The following CCDC85C variants were observed in gnomAD, a reference collection of about 807,000 sequenced individuals.
The protein encoded by CCDC85C is coiled-coil domain-containing protein 85C.
In CCDC85C, 18 loss-of-function variants were observed where a neutral mutation model predicts 38.3. The observed-to-expected ratio is 0.47, with a 90% CI of 0.33 to 0.70. The LOEUF (loss-of-function observed/expected upper bound fraction) is 0.70. Ranked by LOEUF, CCDC85C falls within the 30% of genes least tolerant of loss-of-function variation. CCDC85C has a pLI of 0.03. For missense variants in CCDC85C, 566 were observed against 621.2 expected (o/e 0.91, Z 0.94); for synonymous variants, 264 against 293.8 (o/e 0.90, Z 1.04).
At chr14:99,524,165 T>C in intron 2 of CCDC85C, among the ~76,000 whole-genome samples, 1 of 51,272 alleles carries the variant, frequency 2.0e-5, no homozygotes, top group Non-Finnish European at 6.5e-5. Context: ...TACAAAATCT[T>C]CTCCAATGGA....
At chr14:99,543,833 G>A (rs1347883904) in intron 1 of CCDC85C, among the ~76,000 whole-genome samples, 1 of 152,200 alleles carries the variant, frequency 6.6e-6, no homozygotes, top group Admixed American at 6.5e-5. Context: ...AGAGGCCTGA[G>A]AGAGGGCATC....
chr14:99,541,903 C>T (rs867681776), intron 1 of CCDC85C, among the ~76,000 whole-genome samples: 1 of 152,218 alleles, frequency 6.6e-6, no homozygotes, highest in Non-Finnish European at 1.5e-5. Flanking sequence ...GAGCCTGACT[C>T]TCCAGTTGCT....
At chr14:99,571,723 T>C (rs1256785222) in intron 1 of CCDC85C, among the ~76,000 whole-genome samples, 1 of 152,238 alleles carries the variant, frequency 6.6e-6, no homozygotes, top group African/African-American at 2.4e-5. Flanking sequence ...TGGAATCACA[T>C]GCACAGGGTA....
rs1896814427 is a variant in CCDC85C at position 99,501,139 on chromosome 14, G to A, written c.*14107C>T. 2 of 602,130 alleles carry A rather than the reference G, an allele frequency of 3.3e-6. No individual in the cohort carries two copies. Among genetic ancestry groups the A allele is most frequent in the South Asian group, 2.1e-5 (1 of 48,266 alleles). The allele number at this position is 602,130 out of a possible 1,614,324, so 37.3% of individuals were successfully genotyped here. On this transcript the variant is annotated 3_prime_UTR_variant, in exon 6 of 6. Coordinates refer to ENST00000380243, the MANE Select transcript of CCDC85C (RefSeq NM_001144995.2). The stretch of plus-strand genomic sequence containing the variant: ...TAAATGGACTAATAAACTTAGCCTT[G>A]GAGCCAGGTTTTCCATACATGGTGG...
chr14:99,548,690 A>G lies in CCDC85C; in HGVS notation c.794-12602T>C, dbSNP rs1486472762. 6.6e-6 allele frequency among the ~76,000 whole-genome samples: 1 copy of G among 152,180 alleles called. No individual in the cohort carries two copies. Among genetic ancestry groups the G allele is most frequent in the Non-Finnish European group, 1.5e-5 (1 of 68,034 alleles). On this transcript the variant is annotated intron_variant, in intron 1 of 5. Coordinates refer to ENST00000380243, the MANE Select transcript of CCDC85C (RefSeq NM_001144995.2). This position sits in a 1 kb window ranked among gnomAD's most constrained non-coding sequence, Gnocchi z 4.9. ...ACAAACAAGAGCCAGGCAGAGGGGC[A>G]CACTCCTATAGTCCCAGGTACTCGG...
At chr14:99,559,533 T>C (rs1379417006) in intron 1 of CCDC85C, among the ~76,000 whole-genome samples, 2 of 152,132 alleles carry the variant, frequency 1.3e-5, no homozygotes, top group African/African-American at 2.4e-5. Flanking sequence ...CTGCCTCATT[T>C]CCCAAAGTGA....
Position 99,603,225 on chromosome 14 carries a change from C to A in CCDC85C, c.735G>T (p.Arg245=). 1 of 1,423,110 alleles carries A rather than the reference C, an allele frequency of 7.0e-7. No individual in the cohort carries two copies. Among genetic ancestry groups the A allele is most frequent in the Non-Finnish European group, 9.2e-7 (1 of 1,091,692 alleles). 88.2% of individuals were successfully genotyped at this position (1,423,110 alleles called of 1,614,324 possible). A position where few individuals can be genotyped will look rare whatever the true frequency, so the allele number is the denominator to read the frequency against. Residue 245 remains arginine, a synonymous_variant, in exon 1 of 6, where the codon CGG becomes CGT. Transcript: ENST00000380243. The surrounding 1 kb of genome is among the most constrained non-coding windows in gnomAD (Gnocchi z 7.5). Reference sequence around the variant, plus strand: ...GCGGCGCCGACAAGTCGTCCAGGGACCGACGTGTGGCTCCTGCCTTGCCGT... The same window carrying A: ...GCGGCGCCGACAAGTCGTCCAGGGAACGACGTGTGGCTCCTGCCTTGCCGT... ...APDGKAGATR[R]SLDDLSAPPH...
chr14:99,553,224 C>T (rs112790773), intron 1 of CCDC85C, among the ~76,000 whole-genome samples: 46 of 152,224 alleles, frequency 3.0e-4, no homozygotes, highest in African/African-American at 1.1e-3. Flanking sequence ...GATTCCAGAA[C>T]ACCCAGGCCA....
rs1284391847 is a variant in CCDC85C, at chr14:99,588,348, C to A, written c.793+14819G>T. Reference sequence around the variant, plus strand: ...CAGGCCGGCCAGTCCTGTGCACAAACCACCTTCTCCTCACCCCAGGCCCCG... The same window carrying A: ...CAGGCCGGCCAGTCCTGTGCACAAAACACCTTCTCCTCACCCCAGGCCCCG... On this transcript the variant is annotated intron_variant, in intron 1 of 5. Transcript: ENST00000380243. The surrounding 1 kb of genome is among the most constrained non-coding windows in gnomAD (Gnocchi z 5.0). Among the ~76,000 whole-genome samples, 1 of 152,050 alleles carries A rather than the reference C, an allele frequency of 6.6e-6. No homozygotes were observed. Among genetic ancestry groups the A allele is most frequent in the Non-Finnish European group, 1.5e-5 (1 of 68,024 alleles).
Position 99,501,571 on chromosome 14 carries a change from A to G in CCDC85C, c.*13675T>C. 1.7e-6 allele frequency: 1 copy of G among 596,872 alleles called. No homozygotes were observed. 37.0% of individuals were successfully genotyped at this position (596,872 alleles called of 1,614,324 possible). On this transcript the variant is annotated 3_prime_UTR_variant, in exon 6 of 6. Transcript: ENST00000380243. ...CAAAGCTGGGGCTGACGTCCAGGTC[A>G]TCTGCTTCCCGGCAGAGGGTTTCCT... is the stretch of plus-strand genomic sequence containing the variant.
In CCDC85C at chr14:99,511,010, A is replaced by G. The variant is rs3918127; in HGVS notation, c.*4236T>C. Reference sequence around the variant, plus strand: ...CAGTGCCCTTGCAGTCTGACTGTGTACACTTGGTTCAGCTAATGTCTGAGA... The same window carrying G: ...CAGTGCCCTTGCAGTCTGACTGTGTGCACTTGGTTCAGCTAATGTCTGAGA... On this transcript the variant is annotated 3_prime_UTR_variant, in exon 6 of 6. Transcript: ENST00000380243. The G allele has an allele frequency of 1.9e-3, 723 of 371,922 alleles. 3 individuals carry two copies. Among genetic ancestry groups the G allele is most frequent in the Non-Finnish European group, 3.0e-3 (631 of 209,958 alleles). The allele number at this position is 371,922 out of a possible 1,614,324, so 23.0% of individuals were successfully genotyped here. A position where few individuals can be genotyped will look rare whatever the true frequency, so the allele number is the denominator to read the frequency against.
intron 1 of CCDC85C, among the ~76,000 whole-genome samples, chr14:99,554,704 A>G (rs1242801642): frequency 2.0e-5 from 3 of 152,196 alleles, no homozygotes; most frequent in African/African-American, 7.2e-5. Flanking sequence ...TCAACACCTA[A>G]CTGGGCTCTC....
intron 1 of CCDC85C, among the ~76,000 whole-genome samples, chr14:99,570,720 G>C (rs541546443): frequency 6.6e-6 from 1 of 152,136 alleles, no homozygotes; most frequent in Non-Finnish European, 1.5e-5. Flanking sequence ...TCACCTTCCC[G>C]GCCCCTGAGC....
At chr14:99,546,364 G>A (rs1308557828) in intron 1 of CCDC85C, among the ~76,000 whole-genome samples, 1 of 152,074 alleles carries the variant, frequency 6.6e-6, no homozygotes, top group African/African-American at 2.4e-5. Flanking sequence ...TGCAGCAGGT[G>A]GAGGCGGCTC....
intron 2 of CCDC85C, 134 bp from the exon 3 acceptor site, chr14:99,522,374 A>G: frequency 8.1e-6 from 5 of 614,316 alleles, no homozygotes; most frequent in Non-Finnish European, 1.4e-5. Flanking sequence ...CCTCCCCTCC[A>G]CACCGCTTAT....
intron 1 of CCDC85C, among the ~76,000 whole-genome samples, chr14:99,546,438 G>C (rs1054675211): frequency 2.0e-5 from 3 of 152,074 alleles, no homozygotes; most frequent in African/African-American, 7.2e-5. Flanking sequence ...GCGGCTCAGG[G>C]AAGGCACTTG....
At position 99,572,657 on chromosome 14, in the gene CCDC85C, C is replaced by T; in HGVS notation, c.793+30510G>A. ...TGCTTATCATCCAAGCCCCAGGTGA[C>T]CTGGCCCCTCCTTAAGAGGCCTCCC... is the stretch of plus-strand genomic sequence containing the variant. On this transcript the variant is annotated intron_variant, in intron 1 of 5. Coordinates refer to ENST00000380243, the MANE Select transcript of CCDC85C (RefSeq NM_001144995.2). The surrounding 1 kb of genome is among the most constrained non-coding windows in gnomAD (Gnocchi z 4.4). 2.2e-6 allele frequency: 1 copy of T among 455,918 alleles called. No homozygotes were observed. Among genetic ancestry groups the T allele is most frequent in the Middle Eastern group, 3.3e-4 (1 of 3,054 alleles). The allele number at this position is 455,918 out of a possible 1,614,324, so 28.2% of individuals were successfully genotyped here. A position where few individuals can be genotyped will look rare whatever the true frequency, so the allele number is the denominator to read the frequency against.
intron 2 of CCDC85C, among the ~76,000 whole-genome samples, chr14:99,534,039 C>T (rs1018902416): frequency 8.5e-5 from 13 of 152,110 alleles, no homozygotes; most frequent in Non-Finnish European, 1.5e-4. Context: ...CTGGTTGGAC[C>T]GCAGAACACA....
chr14:99,518,433 G>A (rs1454612903), intron 3 of CCDC85C, among the ~76,000 whole-genome samples: 1 of 152,174 alleles, frequency 6.6e-6, no homozygotes, highest in Non-Finnish European at 1.5e-5. Context: ...GCTGAGCCTC[G>A]GTTTCCTCGT....
Sources: gnomAD v4.1 joint callset for allele counts (sites outside exome capture counted in the v4.1 genomes callset) on GRCh38, gnomAD v4.1.1 for gene constraint, Gnocchi (gnomAD v3.1) non-coding constraint, MANE v1.5 for transcripts, NCBI Gene and HGNC (gene_info 2026-07-23, HGNC 2026-07-21) for gene names.